The following PRKCE variants were observed in gnomAD, a reference collection of about 807,000 sequenced individuals.
The protein encoded by PRKCE is protein kinase C epsilon type.
Under a neutral mutation model 85.4 loss-of-function variants are expected in PRKCE, and 16 were observed. The ratio of observed to expected loss-of-function variants is 0.19; its 90% confidence interval spans 0.13 to 0.28. The LOEUF (loss-of-function observed/expected upper bound fraction) is 0.28, where lower values mean the gene tolerates loss of function less well. Among genes scored for constraint, PRKCE ranks in the 10% least tolerant of loss-of-function variants. PRKCE has a pLI of 1.00. For synonymous variants in PRKCE, 388 were observed against 371.5 expected (o/e 1.04, Z -0.51); for missense variants, 573 against 975.2 (o/e 0.59, Z 5.49).
chr2:45,978,784 G>C, intron 3 of PRKCE, 192 bp from the exon 4 acceptor site: 1 of 577,154 alleles, frequency 1.7e-6, no homozygotes, highest in Non-Finnish European at 3.1e-6. Context: ...CCAAGCACTG[G>C]GACTGCCCTC....
At chr2:46,015,691 C>CAAAAAAAAAAAAAAAAAAAAAAAA (rs749060776) in intron 10 of PRKCE, among the ~76,000 whole-genome samples, 13 of 80,776 alleles carry the variant, frequency 1.6e-4, no homozygotes, top group Non-Finnish European at 2.5e-4. Flanking sequence ...AACACTAAAC[C>CAAAAAAAAAAAAAAAAAAAAAAAA]AAAAAAAAAA....
intron 14 of PRKCE, among the ~76,000 whole-genome samples, chr2:46,167,467 G>C (rs866695241): frequency 9.2e-5 from 14 of 152,150 alleles, no homozygotes; most frequent in Middle Eastern, 3.2e-3. Flanking sequence ...GTCCCAAAGG[G>C]GCTGACGGGC....
At position 46,004,892 on chromosome 2, in the gene PRKCE, A is replaced by G. The variant is rs1705038226; in HGVS notation, c.1063+254A>G. On this transcript the variant is annotated intron_variant, in intron 8 of 14. Coordinates refer to ENST00000306156, the MANE Select transcript of PRKCE (RefSeq NM_005400.3). This position sits in a 1 kb window ranked among gnomAD's most constrained non-coding sequence, Gnocchi z 4.1. Reference sequence around the variant, plus strand: ...AGGGTAAGAGGAGAGCGAGTGTATGATGTTATGGTTATCTGTTTTCCCTTG... The same window carrying G: ...AGGGTAAGAGGAGAGCGAGTGTATGGTGTTATGGTTATCTGTTTTCCCTTG... Among the ~76,000 whole-genome samples the G allele has an allele frequency of 6.6e-6, 1 of 151,974 alleles. No homozygotes were observed. The highest frequency in any genetic ancestry group is 2.1e-4 in the South Asian group (1 of 4,810).
intron 2 of PRKCE, among the ~76,000 whole-genome samples, chr2:45,945,400 G>A (rs72874331): frequency 0.047 from 7,089 of 152,134 alleles, 491 homozygotes; most frequent in African/African-American, 0.15. Flanking sequence ...CAAACAACTG[G>A]ATCTCATGTG....
chr2:45,924,273 TG>T (rs1698454185), intron 2 of PRKCE, among the ~76,000 whole-genome samples: 1 of 152,190 alleles, frequency 6.6e-6, no homozygotes, highest in Non-Finnish European at 1.5e-5. Flanking sequence ...GACGTATTTT[TG>T]TTTGGGGAGA....
At chr2:45,977,552 A>G (rs1484053791) in intron 3 of PRKCE, among the ~76,000 whole-genome samples, 1 of 151,668 alleles carries the variant, frequency 6.6e-6, no homozygotes, top group Non-Finnish European at 1.5e-5. Flanking sequence ...CATGAGAATC[A>G]CTTTAACCCT....
chr2:45,877,226 T>G (rs1203028299), intron 2 of PRKCE, among the ~76,000 whole-genome samples: 1 of 152,232 alleles, frequency 6.6e-6, no homozygotes, highest in Admixed American at 6.5e-5. Context: ...CTTTTAAAGA[T>G]AAGGTCCCCT....
At chr2:45,935,064 C>CTA in intron 2 of PRKCE, among the ~76,000 whole-genome samples, 1 of 105,598 alleles carries the variant, frequency 9.5e-6, no homozygotes, top group Non-Finnish European at 2.0e-5. Context: ...CTCACTCTCT[C>CTA]TCTCACACAC....
intron 1 of PRKCE, among the ~76,000 whole-genome samples, chr2:45,778,184 T>C (rs1485751864): frequency 6.6e-6 from 1 of 152,152 alleles, no homozygotes; most frequent in Admixed American, 6.5e-5. Context: ...AGCCAATTGC[T>C]GATGGCTTTG....
chr2:46,179,546 T>C (rs567430091), intron 14 of PRKCE, among the ~76,000 whole-genome samples: 2 of 152,244 alleles, frequency 1.3e-5, no homozygotes, highest in Non-Finnish European at 2.9e-5. Flanking sequence ...AGACCTTATT[T>C]CTGAAATGAT....
At chr2:46,071,092 A>G (rs1044038117) in intron 10 of PRKCE, among the ~76,000 whole-genome samples, 3 of 152,194 alleles carry the variant, frequency 2.0e-5, no homozygotes, top group Admixed American at 1.3e-4. Context: ...CCATGTCCTC[A>G]TGGCTTTCCT....
chr2:45,875,532 A>G (rs1018229152), intron 2 of PRKCE, among the ~76,000 whole-genome samples: 1 of 152,252 alleles, frequency 6.6e-6, no homozygotes, highest in Non-Finnish European at 1.5e-5. Context: ...GCATGTATCA[A>G]GCCCTCTGGG....
At chr2:45,856,450 C>T (rs574636444) in intron 2 of PRKCE, among the ~76,000 whole-genome samples, 4 of 152,272 alleles carry the variant, frequency 2.6e-5, no homozygotes, top group South Asian at 2.1e-4. Flanking sequence ...AGGCTAGTCT[C>T]GAACTCCTGA....
intron 2 of PRKCE, among the ~76,000 whole-genome samples, chr2:45,970,954 A>G (rs1018696982): frequency 3.3e-5 from 5 of 151,620 alleles, no homozygotes; most frequent in African/African-American, 1.2e-4. Flanking sequence ...TGTATCTGTT[A>G]TTTTATACAT....
chr2:45,708,545 G>C (rs1679324266), intron 1 of PRKCE, among the ~76,000 whole-genome samples: 1 of 152,230 alleles, frequency 6.6e-6, no homozygotes, highest in Admixed American at 6.5e-5. Context: ...GTCCATGTAA[G>C]ATGTGACTTG....
intron 10 of PRKCE, among the ~76,000 whole-genome samples, chr2:46,048,408 A>G (rs957866827): frequency 6.6e-6 from 1 of 152,130 alleles, no homozygotes; most frequent in Non-Finnish European, 1.5e-5. Flanking sequence ...GCCCCCATCA[A>G]TTTCCCATGT....
chr2:45,937,546 A>G (rs1699554896), intron 2 of PRKCE, among the ~76,000 whole-genome samples: 1 of 152,130 alleles, frequency 6.6e-6, no homozygotes, highest in Non-Finnish European at 1.5e-5. Flanking sequence ...CCCCATCTCC[A>G]CTAAAAATAC....
In PRKCE at chr2:45,984,797, G is replaced by A. The variant is rs929982727; in HGVS notation, c.823+117G>A. 4.6e-5 allele frequency: 63 copies of A among 1,369,786 alleles called. No homozygotes were observed. In the African/African-American group the frequency reaches 7.9e-4, roughly 17 times the overall value. The allele number at this position is 1,369,786 out of a possible 1,614,324, so 84.9% of individuals were successfully genotyped here. A position where few individuals can be genotyped will look rare whatever the true frequency, so the allele number is the denominator to read the frequency against. Reference sequence around the variant, plus strand: ...TTCCAGATTTGGCCAAGAACTGAGTGCAAGCCTTTGTTAATCCTGCATTAG... The same window carrying A: ...TTCCAGATTTGGCCAAGAACTGAGTACAAGCCTTTGTTAATCCTGCATTAG... On this transcript the variant is annotated intron_variant, in intron 6 of 14. Coordinates refer to ENST00000306156, the MANE Select transcript of PRKCE (RefSeq NM_005400.3).
intron 2 of PRKCE, among the ~76,000 whole-genome samples, chr2:45,889,299 C>A (rs896161196): frequency 2.0e-5 from 3 of 152,084 alleles, no homozygotes; most frequent in Non-Finnish European, 4.4e-5. Context: ...TAAGGACTTG[C>A]AGCCAGGACA....
Sources: allele counts gnomAD v4.1 joint callset (sites outside exome capture counted in the v4.1 genomes callset), GRCh38; gene constraint gnomAD v4.1.1; non-coding constraint Gnocchi (gnomAD v3.1); transcripts MANE v1.5; gene names NCBI Gene and HGNC (gene_info 2026-07-23, HGNC 2026-07-21).